DST: variants seen among roughly 807,000 people sequenced by gnomAD.
DST encodes bullous pemphigoid antigen.
DST carries 253 observed loss-of-function variants against 875.2 expected under a neutral mutation model. That is an observed-to-expected ratio of 0.29 (90% CI 0.26 to 0.32). DST has a LOEUF of 0.32. Among genes scored for constraint, DST ranks in the 10% least tolerant of loss-of-function variants. DST has a pLI of 1.00. For synonymous variants in DST, 3,124 were observed against 3,197.1 expected (o/e 0.98, Z 0.77); for missense variants, 8,287 against 9,111.6 (o/e 0.91, Z 3.68).
At chr6:56,769,608 G>A (rs962032927) in intron 4 of DST, among the ~76,000 whole-genome samples, 4 of 152,086 alleles carry the variant, frequency 2.6e-5, no homozygotes, top group African/African-American at 9.7e-5. Context: ...TTGAGTCCAG[G>A]AATTCAGGAC....
intron 61 of DST, among the ~76,000 whole-genome samples, chr6:56,539,007 T>C (rs1285110145): frequency 6.6e-6 from 1 of 151,812 alleles, no homozygotes; most frequent in Admixed American, 6.6e-5. Context: ...TTACTACTTA[T>C]CAAAAAGTGG....
intron 3 of DST, among the ~76,000 whole-genome samples, chr6:56,852,200 G>A (rs754609328): frequency 6.6e-6 from 1 of 152,182 alleles, no homozygotes; most frequent in Non-Finnish European, 1.5e-5. Context: ...GAGCAAGGAG[G>A]GAGGAAGGGC....
chr6:56,854,060 A>G (rs180796400), intron 3 of DST, among the ~76,000 whole-genome samples: 7 of 152,338 alleles, frequency 4.6e-5, no homozygotes, highest in African/African-American at 1.7e-4. Flanking sequence ...TTTTAAAAAT[A>G]TAAGGTAAAC....
intron 4 of DST, among the ~76,000 whole-genome samples, chr6:56,752,642 T>C (rs1180150282): frequency 6.6e-6 from 1 of 152,226 alleles, no homozygotes; most frequent in Non-Finnish European, 1.5e-5. Context: ...CACTATTACA[T>C]GTACCAGTGA....
intron 61 of DST, among the ~76,000 whole-genome samples, chr6:56,550,933 T>C (rs911822141): frequency 6.6e-6 from 1 of 152,140 alleles, no homozygotes; most frequent in Non-Finnish European, 1.5e-5. Context: ...TCACGTGAAA[T>C]CTTTATTTTG....
chr6:56,915,423 A>C (rs1432857861), intron 2 of DST, among the ~76,000 whole-genome samples: 1 of 152,182 alleles, frequency 6.6e-6, no homozygotes, highest in East Asian at 1.9e-4. Context: ...CACTAATCAT[A>C]AGAAGACAGC....
rs74346808 is a variant in DST at position 56,914,710 on chromosome 6, C to T, written c.217-14089G>A. ...CCTGAACAGTGCCATCAATAACTTA[C>T]GAACCATATTTAACATTCAATGACA... On this transcript the variant is annotated intron_variant, in intron 2 of 103. Transcript: ENST00000680361. Among the ~76,000 whole-genome samples, 1,410 of 152,210 alleles carry T rather than the reference C, an allele frequency of 9.3e-3. 22 individuals carry two copies. The highest frequency in any genetic ancestry group is 0.032 in the African/African-American group (1,326 of 41,510).
At chr6:56,682,948 C>T (rs568847974) in intron 9 of DST, among the ~76,000 whole-genome samples, 1 of 152,350 alleles carries the variant, frequency 6.6e-6, no homozygotes, top group African/African-American at 2.4e-5. Flanking sequence ...GTTAACCCAA[C>T]TCTTCTGAAT....
At chr6:56,893,562 CTTT>C (rs1282483681) in intron 3 of DST, among the ~76,000 whole-genome samples, 2 of 35,908 alleles carry the variant, frequency 5.6e-5, no homozygotes, top group African/African-American at 1.3e-4. Context: ...ACTTTTAGTT[CTTT>C]TTTTTTTTTT....
In DST at chr6:56,618,381, T is replaced by C. The variant is rs1439361636; in HGVS notation, c.4930-3897A>G. The C allele has an allele frequency of 1.9e-6, 3 of 1,614,202 alleles. No homozygotes were observed. In the South Asian group the frequency reaches 3.3e-5, roughly 18 times the overall value. The stretch of plus-strand genomic sequence containing the variant: ...CCAGAGTGCTGGCACTCCTTCACTG[T>C]CATCTCAAAATCTGGTTTGAAGGTA... On this transcript the variant is annotated intron_variant, in intron 36 of 103. Coordinates refer to ENST00000680361, the MANE Select transcript of DST (RefSeq NM_001374736.1).
At chr6:56,611,658 TA>T in intron 37 of DST, 62 bp from the exon 38 acceptor site, 15 of 1,112,952 alleles carry the variant, frequency 1.3e-5, no homozygotes, top group African/African-American at 1.6e-5. Context: ...GTATTTTTTT[TA>T]AAAAAAAGAA....
intron 4 of DST, among the ~76,000 whole-genome samples, chr6:56,751,055 C>T (rs550453825): frequency 3.3e-5 from 5 of 152,156 alleles, no homozygotes; most frequent in Admixed American, 3.3e-4. Context: ...TGCTCTTAAC[C>T]CCCAATGCTT....
At chr6:56,696,145 C>T (rs1231415148) in intron 9 of DST, among the ~76,000 whole-genome samples, 1 of 152,076 alleles carries the variant, frequency 6.6e-6, no homozygotes, top group African/African-American at 2.4e-5. Context: ...CACTATGCCA[C>T]AGTATATTAG....
chr6:56,497,668 A>G, intron 81 of DST, 161 bp from the exon 82 acceptor site: 3 of 987,524 alleles, frequency 3.0e-6, no homozygotes, highest in Middle Eastern at 2.7e-4. Context: ...GCTCTAGTAG[A>G]TAAGAGTATT....
chr6:56,632,730 T>C lies in DST; in HGVS notation c.3805+124A>G, dbSNP rs182104786. The C allele has an allele frequency of 1.3e-4, 99 of 760,634 alleles. No individual in the cohort carries two copies. The African/African-American group carries it at 1.5e-3, about 12-fold the overall frequency. 47.1% of individuals were successfully genotyped at this position (760,634 alleles called of 1,614,324 possible). ...AAACATGCTTTTACCGTTCCACCAA[T>C]TGTGTCTACATATCATAGGCTGGGT... On this transcript the variant is annotated intron_variant, in intron 28 of 103. Transcript: ENST00000680361.
At chr6:56,761,822 C>T (rs1158596956) in intron 4 of DST, among the ~76,000 whole-genome samples, 1 of 152,150 alleles carries the variant, frequency 6.6e-6, no homozygotes, top group Non-Finnish European at 1.5e-5. Flanking sequence ...GAAGAACTTA[C>T]ATCACAATCA....
At chr6:56,783,290 T>G (rs1404010124) in intron 4 of DST, among the ~76,000 whole-genome samples, 1 of 152,204 alleles carries the variant, frequency 6.6e-6, no homozygotes, top group Non-Finnish European at 1.5e-5. Context: ...GTTAACTTTC[T>G]GTCTCATTGA....
At chr6:56,710,503 T>C (rs1401876950) in intron 5 of DST, among the ~76,000 whole-genome samples, 1 of 152,252 alleles carries the variant, frequency 6.6e-6, no homozygotes, top group Non-Finnish European at 1.5e-5. Context: ...TATTTTTCAA[T>C]GCAATTTTTT....
At chr6:56,534,001 T>C (rs1205850316) in intron 63 of DST, among the ~76,000 whole-genome samples, 3 of 152,308 alleles carry the variant, frequency 2.0e-5, no homozygotes, top group Middle Eastern at 3.4e-3. Context: ...GATGTATGTA[T>C]ACATTGTGGA....
Sources: gnomAD v4.1 joint callset for allele counts (sites outside exome capture counted in the v4.1 genomes callset) on GRCh38, gnomAD v4.1.1 for gene constraint, MANE v1.5 for transcripts, NCBI Gene and HGNC (gene_info 2026-07-23, HGNC 2026-07-21) for gene names.